The following C1QTNF5 variants were observed in gnomAD, a reference collection of about 807,000 sequenced individuals.
C1QTNF5 encodes complement C1q tumor necrosis factor-related protein 5.
In C1QTNF5, 5 loss-of-function variants were observed where a neutral mutation model predicts 10.9. The ratio of observed to expected loss-of-function variants is 0.46; its 90% confidence interval spans 0.24 to 0.97. C1QTNF5 has a LOEUF of 0.97. C1QTNF5 is among the 50% of genes least tolerant of loss of function. C1QTNF5 has a pLI of 0.19. For synonymous variants in C1QTNF5, 161 were observed against 156.5 expected (o/e 1.03, Z -0.22); for missense variants, 281 against 339.4 (o/e 0.83, Z 1.35).
Position 119,339,693 on chromosome 11 carries a change from G to A in C1QTNF5, c.370C>T (p.Pro124Ser). 1 of 1,608,430 alleles carries A rather than the reference G, an allele frequency of 6.2e-7. No individual in the cohort carries two copies. Among genetic ancestry groups the A allele is most frequent in the Non-Finnish European group, 8.5e-7 (1 of 1,179,550 alleles). ...TCGTTCACCAGCACGCGGTCGAAGG[G>A]CAAGGGTGCGTCAGACGGCGGAGGC... is the stretch of plus-strand genomic sequence containing the variant. ...RVPPPSDAPL[P>S]FDRVLVNEQG... Residue 124 changes from proline (P) to serine (S), a missense_variant, in exon 3 of 3, where the codon CCC (proline) becomes TCC (serine). Physicochemically the swap from Pro to Ser is moderately conservative, Grantham distance 74. Coordinates refer to ENST00000528368, the MANE Select transcript of C1QTNF5 (RefSeq NM_001278431.2). The surrounding 1 kb of genome is among the most constrained non-coding windows in gnomAD (Gnocchi z 5.4).
chr11:119,340,137 C>T, intron 2 of C1QTNF5, 47 bp downstream of exon 2: 1 of 1,495,038 alleles, frequency 6.7e-7, no homozygotes, highest in Non-Finnish European at 8.9e-7. Context: ...GCTGCGGCCG[C>T]GCCTGCTCGG....
chr11:119,339,989 C>T lies in C1QTNF5; in HGVS notation c.215-141G>A, dbSNP rs1950484072. The T allele has an allele frequency of 7.7e-7, 1 of 1,305,554 alleles. No homozygotes were observed. The highest frequency in any genetic ancestry group is 1.6e-5 in the South Asian group (1 of 62,466). 80.9% of individuals were successfully genotyped at this position (1,305,554 alleles called of 1,614,324 possible). A position where few individuals can be genotyped will look rare whatever the true frequency, so the allele number is the denominator to read the frequency against. On this transcript the variant is annotated intron_variant, in intron 2 of 2. Transcript: ENST00000528368. The surrounding 1 kb of genome is among the most constrained non-coding windows in gnomAD (Gnocchi z 5.4). ...TCCTCCCGCACGGGTACCTCCTCCA[C>T]CCCTTCCCGCAGGGCAGATCTGGGG... is the stretch of plus-strand genomic sequence containing the variant.
At chr11:119,341,384 A>C, upstream of C1QTNF5, 6 of 625,062 alleles carry the variant, frequency 9.6e-6, no homozygotes, top group South Asian at 3.9e-5. Context: ...GGAGGGTGGT[A>C]GGGTCCCATG....
At chr11:119,345,055 C>T, upstream of C1QTNF5, 1 of 1,579,528 alleles carries the variant, frequency 6.3e-7, no homozygotes, top group Non-Finnish European at 8.6e-7. Flanking sequence ...CAGGGTCAGC[C>T]AGAGAGGAGC....
chr11:119,345,963 G>A, the C1QTNF5 span: 11,025 of 1,613,642 alleles, frequency 6.8e-3, 116 homozygotes, highest in Non-Finnish European at 6.2e-3. Context: ...GCGTTCAGAG[G>A]AGCTGGGTCC....
chr11:119,344,082 T>C, upstream of C1QTNF5: 1 of 1,372,576 alleles, frequency 7.3e-7, no homozygotes, highest in Non-Finnish European at 1.0e-6. Flanking sequence ...CTTTCATCAT[T>C]GGTGGTTCTT....
Position 119,339,624 on chromosome 11 carries a change from C to T in C1QTNF5, c.439G>A (p.Val147Met), listed in dbSNP as rs1287270714. The change falls in exon 3 of 3, where the codon GTG becomes ATG. Residue 147 changes from valine (V) to methionine (M), a missense_variant. Coordinates refer to ENST00000528368, the MANE Select transcript of C1QTNF5 (RefSeq NM_001278431.2). This position sits in a 1 kb window ranked among gnomAD's most constrained non-coding sequence, Gnocchi z 5.4. ...DAVTGKFTCQ[V>M]PGVYYFAVHA... ...ACGGCGAAGTAGTAGACCCCAGGCA[C>T]CTGGCAGGTGAACTTGCCGGTGACG... The T allele has an allele frequency of 6.2e-7, 1 of 1,613,106 alleles. No homozygotes were observed. The highest frequency in any genetic ancestry group is 1.1e-5 in the South Asian group (1 of 91,092).
chr11:119,340,011 G>C (rs940858657), intron 2 of C1QTNF5, among the ~76,000 whole-genome samples, 163 bp from the exon 3 acceptor site: 1 of 152,148 alleles, frequency 6.6e-6, no homozygotes, highest in African/African-American at 2.4e-5. Flanking sequence ...GGGCAGATCT[G>C]GGGGGCTGGC....
Position 119,339,848 on chromosome 11 carries a change from C to T in C1QTNF5, c.215G>A (p.Gly72Glu). 1 of 1,477,906 alleles carries T rather than the reference C, an allele frequency of 6.8e-7. No individual in the cohort carries two copies. Among genetic ancestry groups the T allele is most frequent in the Non-Finnish European group, 8.9e-7 (1 of 1,122,204 alleles). The allele number at this position is 1,477,906 out of a possible 1,614,324, so 91.5% of individuals were successfully genotyped here. Reference protein sequence around the residue: ...PGEKGEGGRPGLPGPRGDPGP... With the variant: ...PGEKGEGGRPELPGPRGDPGP... ...GGGGTCCCCTCGAGGTCCCGGCAGT[C>T]CTGCGGGGTAAGCGGGGCGGCAGGG... The change falls in exon 3 of 3, where the codon GGA becomes GAA. Residue 72 changes from glycine to glutamate, a missense_variant and splice_region_variant. Physicochemically the swap from Gly to Glu is moderately conservative, Grantham distance 98. Coordinates refer to ENST00000528368, the MANE Select transcript of C1QTNF5 (RefSeq NM_001278431.2). This position sits in a 1 kb window ranked among gnomAD's most constrained non-coding sequence, Gnocchi z 5.4.
At chr11:119,342,654 CCACATGTCA>C (rs1565293156), upstream of C1QTNF5, 1 of 1,613,700 alleles carries the variant, frequency 6.2e-7, no homozygotes, top group East Asian at 2.2e-5. Context: ...TGCAGTCTCT[CCACATGTCA>C]CACATCCACT....
At chr11:119,342,745 A>G (rs770971634), upstream of C1QTNF5, 42 of 1,613,402 alleles carry the variant, frequency 2.6e-5, no homozygotes, top group Non-Finnish European at 3.5e-5. Context: ...CACAAGGGGC[A>G]TGGCAGTGCC....
intron 2 of C1QTNF5, 80 bp downstream of exon 2, chr11:119,340,104 A>G: frequency 7.0e-7 from 1 of 1,426,028 alleles, no homozygotes; most frequent in Non-Finnish European, 9.2e-7. Flanking sequence ...GGGAGACCCG[A>G]GTCCCGGACA....
At chr11:119,341,647 G>A, upstream of C1QTNF5, 1 of 1,613,024 alleles carries the variant, frequency 6.2e-7, no homozygotes, top group Non-Finnish European at 8.5e-7. Flanking sequence ...ACTGGCACTG[G>A]TGCTCCGCTT....
upstream of C1QTNF5, chr11:119,345,483 C>A (rs371531353): frequency 6.2e-7 from 1 of 1,614,090 alleles, no homozygotes; most frequent in Non-Finnish European, 8.5e-7. Flanking sequence ...AGAGGCCACA[C>A]TCTCTATGCT....
intron 2 of C1QTNF5, 26 bp downstream of exon 2, chr11:119,340,158 C>G: frequency 1.3e-6 from 2 of 1,507,422 alleles, no homozygotes; most frequent in Non-Finnish European, 1.8e-6. Flanking sequence ...ACATCGCCAC[C>G]GATAGCCGCG....
At chr11:119,341,723 C>T (rs770531976), upstream of C1QTNF5, 2 of 1,613,292 alleles carry the variant, frequency 1.2e-6, no homozygotes, top group Non-Finnish European at 1.7e-6. Context: ...CACAAGCAGC[C>T]CACACAGGAG....
Position 119,340,049 on chromosome 11 carries a change from T to TC in C1QTNF5, c.214+134dup, listed in dbSNP as rs548201057. ...AGGGGGCTCCCGCCGCCTGGGCCCC[T>TC]CCCCCGCTCAGGGCTGCAAAGCGCG... On this transcript the variant is annotated intron_variant, in intron 2 of 2. Coordinates refer to ENST00000528368, the MANE Select transcript of C1QTNF5 (RefSeq NM_001278431.2). 4.3e-3 allele frequency: 5,510 copies of TC among 1,270,494 alleles called. 20 individuals are homozygous for TC. Among genetic ancestry groups the TC allele is most frequent in the Non-Finnish European group, 5.2e-3 (5,063 of 969,848 alleles). The allele number at this position is 1,270,494 out of a possible 1,614,324, so 78.7% of individuals were successfully genotyped here.
rs1227789714 is a variant in C1QTNF5, at chr11:119,339,291, C to G, written c.*40G>C. On this transcript the variant is annotated 3_prime_UTR_variant, in exon 3 of 3. Coordinates refer to ENST00000528368, the MANE Select transcript of C1QTNF5 (RefSeq NM_001278431.2). This position sits in a 1 kb window ranked among gnomAD's most constrained non-coding sequence, Gnocchi z 5.4. The stretch of plus-strand genomic sequence containing the variant: ...ACCTGGTTGTCAGCCTCACACCCTC[C>G]TTCTAGGAGTGAGAGCATGAGCTCA... 6.3e-7 allele frequency: 1 copy of G among 1,596,306 alleles called. No individual in the cohort carries two copies. Among genetic ancestry groups the G allele is most frequent in the East Asian group, 2.2e-5 (1 of 44,654 alleles).
At chr11:119,343,067 C>T (rs554459736), upstream of C1QTNF5, 2,791 of 1,546,416 alleles carry the variant, frequency 1.8e-3, 5 homozygotes, top group Non-Finnish European at 2.3e-3. Context: ...ACTGCAGCCT[C>T]CCACAGGCCT....
Sources: allele counts gnomAD v4.1 joint callset (sites outside exome capture counted in the v4.1 genomes callset), GRCh38; gene constraint gnomAD v4.1.1; non-coding constraint Gnocchi (gnomAD v3.1); transcripts MANE v1.5; gene names NCBI Gene and HGNC (gene_info 2026-07-23, HGNC 2026-07-21).